Variants in PRKN observed in about 807,000 individuals in gnomAD.
PRKN encodes the protein parkin RBR E3 ubiquitin protein ligase.
PRKN carries 56 observed loss-of-function variants against 59.5 expected under a neutral mutation model. The ratio of observed to expected loss-of-function variants is 0.94; its 90% confidence interval spans 0.76 to 1.18. The LOEUF (loss-of-function observed/expected upper bound fraction) is 1.18, where lower values mean the gene tolerates loss of function less well. Among genes scored for constraint, PRKN ranks in the 50% most tolerant of loss-of-function variants. The pLI, the probability that PRKN is intolerant of heterozygous loss-of-function variation, is 0.00. For missense variants in PRKN, 657 were observed against 596.4 expected (o/e 1.10, Z -1.06); for synonymous variants, 250 against 222.1 (o/e 1.13, Z -1.12).
chr6:162,157,204 C>G (rs1782550466), intron 4 of PRKN, among the ~76,000 whole-genome samples: 4 of 151,920 alleles, frequency 2.6e-5, no homozygotes, highest in South Asian at 4.2e-4. Flanking sequence ...TCTGCCTCTT[C>G]CCCACCACAC....
At chr6:161,797,697 T>A (rs1158046195) in intron 6 of PRKN, among the ~76,000 whole-genome samples, 2 of 152,202 alleles carry the variant, frequency 1.3e-5, no homozygotes, top group Non-Finnish European at 2.9e-5. Context: ...TGTCTCAACA[T>A]GAGAAGGTAC....
chr6:161,638,268 G>A (rs1368905620), intron 7 of PRKN, among the ~76,000 whole-genome samples: 1 of 151,950 alleles, frequency 6.6e-6, no homozygotes, highest in East Asian at 1.9e-4. Flanking sequence ...GAGTAGCTGG[G>A]ACTACAGGCA....
intron 1 of PRKN, among the ~76,000 whole-genome samples, chr6:162,515,795 C>G (rs548780708): frequency 2.6e-4 from 39 of 152,084 alleles, no homozygotes; most frequent in Non-Finnish European, 4.1e-4. Context: ...CTCTGGGAGC[C>G]CTTGACCCTA....
intron 4 of PRKN, among the ~76,000 whole-genome samples, chr6:162,193,245 G>A (rs1784359681): frequency 6.6e-6 from 1 of 152,102 alleles, no homozygotes; most frequent in South Asian, 2.1e-4. Flanking sequence ...AAAATACTAG[G>A]CAAAGGACAA....
At chr6:162,294,163 T>C (rs1342884167) in intron 2 of PRKN, among the ~76,000 whole-genome samples, 1 of 152,024 alleles carries the variant, frequency 6.6e-6, no homozygotes. Flanking sequence ...GCGGTGCAAA[T>C]GTACTAAGAG....
chr6:161,469,400 T>C (rs952273936), intron 9 of PRKN, among the ~76,000 whole-genome samples: 85 of 152,312 alleles, frequency 5.6e-4, no homozygotes, highest in African/African-American at 1.9e-3. Flanking sequence ...CTTTTCTTTA[T>C]AAATTACTCA....
intron 1 of PRKN, among the ~76,000 whole-genome samples, chr6:162,449,159 T>C (rs1274995802): frequency 1.3e-5 from 2 of 152,174 alleles, no homozygotes; most frequent in East Asian, 3.9e-4. Context: ...AGTGCTGGTA[T>C]TACAGGCATG....
intron 1 of PRKN, among the ~76,000 whole-genome samples, chr6:162,525,013 C>G (rs897236447): frequency 2.0e-5 from 3 of 152,100 alleles, no homozygotes; most frequent in Admixed American, 6.6e-5. Flanking sequence ...ATTCCAGAAA[C>G]AAATATGCTT....
intron 1 of PRKN, among the ~76,000 whole-genome samples, chr6:162,566,026 C>T (rs1027443729): frequency 3.3e-5 from 5 of 152,012 alleles, no homozygotes; most frequent in Non-Finnish European, 5.9e-5. Context: ...TTCAGCAAGA[C>T]GATATAAGAA....
At chr6:162,183,901 C>T (rs1783909520) in intron 4 of PRKN, among the ~76,000 whole-genome samples, 2 of 152,132 alleles carry the variant, frequency 1.3e-5, no homozygotes, top group Admixed American at 1.3e-4. Flanking sequence ...AACAGGTGCA[C>T]CTGACTGCCC....
intron 1 of PRKN, among the ~76,000 whole-genome samples, chr6:162,564,797 C>T (rs1193904323): frequency 6.8e-6 from 1 of 146,948 alleles, no homozygotes; most frequent in East Asian, 2.0e-4. Flanking sequence ...CTTTCCCAGA[C>T]AAACAAAAGC....
In PRKN at chr6:162,441,935, T is replaced by G. The variant is rs564770048; in HGVS notation, c.171+1375A>C. 6.6e-5 allele frequency among the ~76,000 whole-genome samples: 10 copies of G among 152,260 alleles called. No homozygotes were observed. In the East Asian group the frequency reaches 1.9e-3, roughly 29 times the overall value. On this transcript the variant is annotated intron_variant, in intron 2 of 11. Transcript: ENST00000366898. ...ATTCAAGGAGCTGTTTTAAAATTAT[T>G]TATTTGTGAAGGAAACATCCTTGGA...
chr6:161,795,426 G>T (rs1259296328), intron 6 of PRKN, among the ~76,000 whole-genome samples: 1 of 151,360 alleles, frequency 6.6e-6, no homozygotes, highest in African/African-American at 2.4e-5. Flanking sequence ...TAGAGATGGG[G>T]TCTCGCCATG....
intron 1 of PRKN, among the ~76,000 whole-genome samples, chr6:162,573,527 G>T (rs959210155): frequency 6.6e-6 from 1 of 152,144 alleles, no homozygotes; most frequent in Non-Finnish European, 1.5e-5. Context: ...TCTGTTTACT[G>T]TCTCTTTTGT....
At chr6:161,479,686 T>G (rs1416831955) in intron 9 of PRKN, among the ~76,000 whole-genome samples, 1 of 152,188 alleles carries the variant, frequency 6.6e-6, no homozygotes. Flanking sequence ...TTTTAAAAGG[T>G]AAGTGATTTT....
Position 161,360,352 on chromosome 6 carries a change from G to A in PRKN, c.1168-147C>T, listed in dbSNP as rs1784927089. 1.4e-6 allele frequency: 1 copy of A among 718,734 alleles called. No homozygotes were observed. The highest frequency in any genetic ancestry group is 2.6e-5 in the East Asian group (1 of 38,964). The allele number at this position is 718,734 out of a possible 1,614,324, so 44.5% of individuals were successfully genotyped here. On this transcript the variant is annotated intron_variant, in intron 10 of 11. Transcript: ENST00000366898. The surrounding 1 kb of genome is among the most constrained non-coding windows in gnomAD (Gnocchi z 5.1). The stretch of plus-strand genomic sequence containing the variant: ...CTAAATATCAATGCACTTGACAAAT[G>A]CTAGACAGCTACTAGGCGGATGGGG...
rs1451374919 is a variant in PRKN, at chr6:161,357,030, A to G, written c.1285+3058T>C. Among the ~76,000 whole-genome samples the G allele has an allele frequency of 1.3e-5, 2 of 149,218 alleles. No individual in the cohort carries two copies. The highest frequency in any genetic ancestry group is 2.5e-5 in the African/African-American group (1 of 40,412). Reference sequence around the variant, plus strand: ...GAGAGAAACAGAAAGCAACAGGTCCAGGTTCGCTGACCACTTCCTTTTTTT... The same window carrying G: ...GAGAGAAACAGAAAGCAACAGGTCCGGGTTCGCTGACCACTTCCTTTTTTT... On this transcript the variant is annotated intron_variant, in intron 11 of 11. Coordinates refer to ENST00000366898, the MANE Select transcript of PRKN (RefSeq NM_004562.3). This position sits in a 1 kb window ranked among gnomAD's most constrained non-coding sequence, Gnocchi z 5.5.
intron 2 of PRKN, among the ~76,000 whole-genome samples, chr6:162,328,776 G>A (rs1783429917): frequency 6.6e-6 from 1 of 152,138 alleles, no homozygotes; most frequent in South Asian, 2.1e-4. Context: ...GAGGAGGAGC[G>A]AGCGGCTGCC....
chr6:162,650,324 G>A (rs1220001476), intron 1 of PRKN, among the ~76,000 whole-genome samples: 1 of 152,008 alleles, frequency 6.6e-6, no homozygotes, highest in Admixed American at 6.6e-5. Flanking sequence ...CCGGCCGGGC[G>A]CGGTGGCTCA....
Sources: allele counts gnomAD v4.1 joint callset (sites outside exome capture counted in the v4.1 genomes callset), GRCh38; gene constraint gnomAD v4.1.1; non-coding constraint Gnocchi (gnomAD v3.1); transcripts MANE v1.5; gene names NCBI Gene and HGNC (gene_info 2026-07-23, HGNC 2026-07-21).